Variants in PPM1H observed in about 807,000 individuals in gnomAD.
The protein encoded by PPM1H is protein phosphatase, Mg2+/Mn2+ dependent 1H, also known as protein phosphatase 1H.
PPM1H carries 27 observed loss-of-function variants against 54.9 expected under a neutral mutation model. That is an observed-to-expected ratio of 0.49 (90% confidence interval 0.36 to 0.68). The LOEUF (loss-of-function observed/expected upper bound fraction) is 0.68, where lower values mean the gene tolerates loss of function less well. PPM1H is among the 30% of genes least tolerant of loss of function. PPM1H has a pLI of 0.00. For missense variants in PPM1H, 596 were observed against 667.8 expected (o/e 0.89, Z 1.19); for synonymous variants, 305 against 270.8 (o/e 1.13, Z -1.24).
chr12:62,655,988 A>G (rs975029381), intron 9 of PPM1H, among the ~76,000 whole-genome samples: 3 of 152,254 alleles, frequency 2.0e-5, no homozygotes, highest in African/African-American at 7.2e-5. Flanking sequence ...GGGAGGGAGC[A>G]GAGAAAGGAC....
At chr12:62,685,720 G>A (rs749099975) in intron 8 of PPM1H, among the ~76,000 whole-genome samples, 1 of 152,178 alleles carries the variant, frequency 6.6e-6, no homozygotes, top group African/African-American at 2.4e-5. Flanking sequence ...ATGGCAGCAT[G>A]ACCACAGTTA....
intron 3 of PPM1H, among the ~76,000 whole-genome samples, chr12:62,798,782 T>C (rs1293541420): frequency 6.6e-6 from 1 of 152,164 alleles, no homozygotes; most frequent in Non-Finnish European, 1.5e-5. Flanking sequence ...CCTGGGTTTT[T>C]TCTCAGGCTC....
chr12:62,919,808 GGC>G (rs1201231548), intron 1 of PPM1H, among the ~76,000 whole-genome samples: 7 of 152,142 alleles, frequency 4.6e-5, no homozygotes, highest in Non-Finnish European at 1.0e-4. Context: ...CAGGTGGCAA[GGC>G]TTCAGGTGGT....
intron 6 of PPM1H, among the ~76,000 whole-genome samples, chr12:62,706,035 C>A (rs1442708165): frequency 6.6e-6 from 1 of 152,218 alleles, no homozygotes; most frequent in Non-Finnish European, 1.5e-5. Flanking sequence ...GGAGCAGAGT[C>A]CTGCAGTGTC....
chr12:62,746,019 C>T (rs527394355), intron 4 of PPM1H, among the ~76,000 whole-genome samples: 4 of 152,104 alleles, frequency 2.6e-5, no homozygotes, highest in African/African-American at 4.8e-5. Flanking sequence ...TACTGAGACC[C>T]TCGTCTCTAC....
chr12:62,764,358 T>C (rs2076528744), intron 4 of PPM1H, among the ~76,000 whole-genome samples: 1 of 152,114 alleles, frequency 6.6e-6, no homozygotes. Flanking sequence ...TGGCTGCAAA[T>C]GCTAGACAGA....
At chr12:62,656,829 T>C (rs970950810) in intron 9 of PPM1H, among the ~76,000 whole-genome samples, 2 of 152,018 alleles carry the variant, frequency 1.3e-5, no homozygotes, top group African/African-American at 4.8e-5. Context: ...GGCAGGGGTC[T>C]ATGGCAGTGG....
At chr12:62,683,075 ATTATTATTAT>A (rs2076031643) in intron 8 of PPM1H, among the ~76,000 whole-genome samples, 1 of 118,394 alleles carries the variant, frequency 8.4e-6, no homozygotes, top group Non-Finnish European at 1.8e-5. Flanking sequence ...TATTATTATT[ATTATTATTAT>A]TTTTGTAGAG....
intron 2 of PPM1H, among the ~76,000 whole-genome samples, chr12:62,829,223 C>T (rs1195195585): frequency 2.0e-5 from 3 of 152,146 alleles, no homozygotes; most frequent in Admixed American, 6.5e-5. Flanking sequence ...TGGGTAAAAC[C>T]TTGAGAACAT....
At chr12:62,836,301 A>G (rs1392184049) in intron 1 of PPM1H, among the ~76,000 whole-genome samples, 1 of 152,242 alleles carries the variant, frequency 6.6e-6, no homozygotes, top group Non-Finnish European at 1.5e-5. Context: ...TCCCTAGAAT[A>G]CAGCACATAG....
chr12:62,672,784 C>T (rs1592535377), intron 8 of PPM1H, among the ~76,000 whole-genome samples: 1 of 152,176 alleles, frequency 6.6e-6, no homozygotes, highest in African/African-American at 2.4e-5. Flanking sequence ...GGGGGTTGGT[C>T]ATCTTATTGT....
At chr12:62,826,008 A>G (rs1343597237) in intron 2 of PPM1H, among the ~76,000 whole-genome samples, 1 of 152,148 alleles carries the variant, frequency 6.6e-6, no homozygotes, top group African/African-American at 2.4e-5. Flanking sequence ...AAACAGTTAT[A>G]TTATTTTCTC....
At chr12:62,725,067 C>T (rs1340220933) in intron 5 of PPM1H, among the ~76,000 whole-genome samples, 1 of 152,190 alleles carries the variant, frequency 6.6e-6, no homozygotes, top group Non-Finnish European at 1.5e-5. Context: ...AGTTCTTAAG[C>T]CAGCTTTGCA....
intron 4 of PPM1H, among the ~76,000 whole-genome samples, chr12:62,757,307 T>C (rs2076482534): frequency 6.6e-6 from 1 of 152,180 alleles, no homozygotes; most frequent in Non-Finnish European, 1.5e-5. Flanking sequence ...GGATTAGTTA[T>C]GCCAAAAGTG....
intron 2 of PPM1H, among the ~76,000 whole-genome samples, chr12:62,804,370 A>G (rs879798326): frequency 2.4e-4 from 37 of 152,122 alleles, no homozygotes; most frequent in Non-Finnish European, 4.6e-4. Flanking sequence ...AAGATTGTTT[A>G]AGAAAATAAA....
chr12:62,893,383 G>T (rs1870868246), intron 1 of PPM1H, among the ~76,000 whole-genome samples: 3 of 152,130 alleles, frequency 2.0e-5, no homozygotes, highest in Non-Finnish European at 2.9e-5. Context: ...CTGCATGTCT[G>T]TGTACTAATC....
At chr12:62,708,869 C>CCCA (rs2076190726) in intron 6 of PPM1H, among the ~76,000 whole-genome samples, 1 of 152,192 alleles carries the variant, frequency 6.6e-6, no homozygotes, top group South Asian at 2.1e-4. Context: ...GCTCACACCC[C>CCCA]CTCCCTCTTC....
At chr12:62,912,758 C>G (rs1020003666) in intron 1 of PPM1H, among the ~76,000 whole-genome samples, 5 of 152,186 alleles carry the variant, frequency 3.3e-5, no homozygotes, top group Admixed American at 1.3e-4. Flanking sequence ...TATCCATACT[C>G]CCAGAGTACC....
intron 1 of PPM1H, among the ~76,000 whole-genome samples, chr12:62,903,347 G>A (rs1871214121): frequency 6.6e-6 from 1 of 152,144 alleles, no homozygotes. Context: ...CTTGGCTAAA[G>A]ACAAAGCAAC....
Sources: allele counts gnomAD v4.1 joint callset (sites outside exome capture counted in the v4.1 genomes callset), GRCh38; gene constraint gnomAD v4.1.1; transcripts MANE v1.5; gene names NCBI Gene and HGNC (gene_info 2026-07-23, HGNC 2026-07-21).